The following SMC4 variants were observed in gnomAD, a reference collection of about 807,000 sequenced individuals.
The protein encoded by SMC4 is structural maintenance of chromosomes protein 4.
Under a neutral mutation model 145.6 loss-of-function variants are expected in SMC4, and 87 were observed. The observed-to-expected ratio is 0.60, with a 90% confidence interval of 0.50 to 0.71. The LOEUF (loss-of-function observed/expected upper bound fraction) is 0.71, where lower values mean the gene tolerates loss of function less well. SMC4 is among the 30% of genes least tolerant of loss of function. The probability of loss-of-function intolerance (pLI) is 0.00; values close to 1 mark genes in which losing one functional copy is unlikely to be tolerated. For synonymous variants in SMC4, 558 were observed against 500.7 expected (o/e 1.11, Z -1.53); for missense variants, 1,447 against 1,537.1 (o/e 0.94, Z 0.98).
intron 9 of SMC4, among the ~76,000 whole-genome samples, chr3:160,416,011 GAC>G (rs1378513080): frequency 6.6e-6 from 1 of 152,180 alleles, no homozygotes; most frequent in African/African-American, 2.4e-5. Context: ...CCCTGCCAGA[GAC>G]AGTTTTCCTT....
rs763395561 is a variant in SMC4 at position 160,426,145 on chromosome 3, C to T, written c.2550C>T (p.Ala850=). 2 of 1,608,030 alleles carry T rather than the reference C, an allele frequency of 1.2e-6. No homozygotes were observed. Among genetic ancestry groups the T allele is most frequent in the Non-Finnish European group, 1.7e-6 (2 of 1,176,438 alleles). The part of the protein sequence containing the change: ...KELEANVLAT[A]PDKKKQKLLE... ...TTGAAGCTAATGTACTTGCTACAGC[C>T]CCTGACAAAAAAAAGCAGAAATTGC... is the stretch of plus-strand genomic sequence containing the variant. The change falls in exon 17 of 24, where the codon GCC becomes GCT. Residue 850 remains alanine (A), a synonymous_variant. Coordinates refer to ENST00000357388, the MANE Select transcript of SMC4 (RefSeq NM_001002800.3).
At chr3:160,419,667 T>C in intron 12 of SMC4, 124 bp downstream of exon 12, 2 of 873,164 alleles carry the variant, frequency 2.3e-6, no homozygotes, top group Non-Finnish European at 1.7e-6. Flanking sequence ...ATTTTGTTTG[T>C]TTTAAGGCAC....
intron 18 of SMC4, 56 bp from the exon 19 acceptor site, chr3:160,430,543 A>C: frequency 1.4e-6 from 2 of 1,427,630 alleles, no homozygotes; most frequent in Middle Eastern, 1.9e-4. Context: ...GTAGGTTTTC[A>C]GAAACAATAA....
At chr3:160,428,697 A>C in intron 17 of SMC4, 56 bp from the exon 18 acceptor site, 2 of 1,466,452 alleles carry the variant, frequency 1.4e-6, no homozygotes, top group Non-Finnish European at 9.2e-7. Context: ...TACATCTAAC[A>C]AATGATGTTC....
At position 160,413,343 on chromosome 3, in the gene SMC4, A is replaced by T. The variant is rs573748949; in HGVS notation, c.981-130A>T. The stretch of plus-strand genomic sequence containing the variant: ...TGACCCAGGGGGATTTTCCCCTCAT[A>T]GCCTAGGCAGTCATATATTGACTAG... On this transcript the variant is annotated intron_variant, in intron 7 of 23. Coordinates refer to ENST00000357388, the MANE Select transcript of SMC4 (RefSeq NM_001002800.3). 1.3e-5 allele frequency: 11 copies of T among 848,134 alleles called. No individual in the cohort carries two copies. In the East Asian group the frequency reaches 3.1e-4, roughly 24 times the overall value. The allele number at this position is 848,134 out of a possible 1,614,324, so 52.5% of individuals were successfully genotyped here.
chr3:160,411,821 A>T, intron 5 of SMC4, 99 bp from the exon 6 acceptor site: 1 of 901,428 alleles, frequency 1.1e-6, no homozygotes, highest in South Asian at 1.9e-5. Flanking sequence ...TTAGATGTTT[A>T]TTACTCTTGG....
chr3:160,431,498 C>T (rs1718401779), intron 20 of SMC4, 145 bp from the exon 21 acceptor site: 2 of 702,708 alleles, frequency 2.8e-6, no homozygotes, highest in Admixed American at 3.5e-5. Flanking sequence ...AACTATTTTT[C>T]TTGAAGTCCT....
At chr3:160,421,947 C>T (rs1386834402) in intron 13 of SMC4, among the ~76,000 whole-genome samples, 1 of 152,182 alleles carries the variant, frequency 6.6e-6, no homozygotes, top group East Asian at 1.9e-4. Flanking sequence ...GATTTATCTA[C>T]ATATAAATGG....
In SMC4 at chr3:160,415,119, C is replaced by T. The variant is rs999183838; in HGVS notation, c.1272+602C>T. ...AGGCACAATGGCTTACACCTGTATT[C>T]CCAGTGCTTTGGGCGGCCAAAGTTG... On this transcript the variant is annotated intron_variant, in intron 9 of 23. Coordinates refer to ENST00000357388, the MANE Select transcript of SMC4 (RefSeq NM_001002800.3). Among the ~76,000 whole-genome samples the T allele has an allele frequency of 3.9e-5, 6 of 152,302 alleles. No individual in the cohort carries two copies. The South Asian group carries it at 6.2e-4, about 16-fold the overall frequency.
At chr3:160,430,956 A>AT (rs770579465) in intron 19 of SMC4, 76 bp from the exon 20 acceptor site, 24 of 1,432,380 alleles carry the variant, frequency 1.7e-5, no homozygotes, top group Non-Finnish European at 2.1e-5. Context: ...GAGATTGGTA[A>AT]TTCCTTCATC....
Position 160,417,771 on chromosome 3 carries a change from C to G in SMC4, c.1486C>G (p.Arg496Gly), listed in dbSNP as rs543973379. The change falls in exon 11 of 24, where the codon CGT (arginine) becomes GGT (glycine). Residue 496 changes from arginine to glycine, a missense_variant. Physicochemically the swap from Arg to Gly is moderately radical, Grantham distance 125. Coordinates refer to ENST00000357388, the MANE Select transcript of SMC4 (RefSeq NM_001002800.3). ...TTTCAGCAAATCGGTAAATGAAGCA[C>G]GTTCAAAGATGGATGTAGCCCAGTC... is the stretch of plus-strand genomic sequence containing the variant. ...MGFSKSVNEA[R>G]SKMDVAQSEL... The G allele has an allele frequency of 1.2e-6, 2 of 1,613,194 alleles. No homozygotes were observed. The highest frequency in any genetic ancestry group is 1.7e-6 in the Non-Finnish European group (2 of 1,179,756).
chr3:160,431,065 A>G lies in SMC4; in HGVS notation c.2974A>G (p.Asn992Asp). Residue 992 changes from asparagine (N) to aspartate (D), a missense_variant, in exon 20 of 24, where the codon AAT becomes GAT. Transcript: ENST00000357388. ...SLPEIQKEHR[N>D]LLQELKVIQE... Reference sequence around the variant, plus strand: ...ACCAGAGATCCAGAAAGAACATCGCAATCTGCTTCAAGAATTAAAAGTTAT... The same window carrying G: ...ACCAGAGATCCAGAAAGAACATCGCGATCTGCTTCAAGAATTAAAAGTTAT... 1 of 1,606,856 alleles carries G rather than the reference A, an allele frequency of 6.2e-7. No homozygotes were observed. Among genetic ancestry groups the G allele is most frequent in the Non-Finnish European group, 8.5e-7 (1 of 1,178,078 alleles).
intron 13 of SMC4, among the ~76,000 whole-genome samples, chr3:160,422,094 C>A (rs146104254): frequency 6.6e-6 from 1 of 152,202 alleles, no homozygotes; most frequent in Middle Eastern, 3.2e-3. Flanking sequence ...TTTGTATAAC[C>A]ATTTGTCAGT....
chr3:160,421,444 C>T (rs1275216434), intron 13 of SMC4, among the ~76,000 whole-genome samples: 2 of 152,006 alleles, frequency 1.3e-5, no homozygotes, highest in African/African-American at 4.8e-5. Context: ...AATTTACCTA[C>T]AATAAAATTT....
intron 10 of SMC4, 72 bp downstream of exon 10, chr3:160,416,487 A>G: frequency 1.0e-6 from 1 of 979,356 alleles, no homozygotes; most frequent in Non-Finnish European, 1.5e-6. Context: ...TATTTTTTCA[A>G]AAATACTGAA....
rs201822423 is a variant in SMC4, at chr3:160,428,827, A to G, written c.2680A>G (p.Ile894Val). The G allele has an allele frequency of 1.1e-5, 17 of 1,607,604 alleles. No individual in the cohort carries two copies. The highest frequency in any genetic ancestry group is 1.1e-5 in the Non-Finnish European group (13 of 1,178,704). Reference sequence around the variant, plus strand: ...ACGCTTACACAATACCATCGTAGAAATCAATAATCATAAACTCAAGGCCCA... The same window carrying G: ...ACGCTTACACAATACCATCGTAGAAGTCAATAATCATAAACTCAAGGCCCA... ...VKRLHNTIVE[I>V]NNHKLKAQQD... Residue 894 changes from isoleucine to valine, a missense_variant, in exon 18 of 24, where the codon ATC becomes GTC. Physicochemically the swap from Ile to Val is conservative, Grantham distance 29 (BLOSUM62 3). Coordinates refer to ENST00000357388, the MANE Select transcript of SMC4 (RefSeq NM_001002800.3).
intron 11 of SMC4, 51 bp from the exon 12 acceptor site, chr3:160,419,307 G>C: frequency 8.2e-7 from 1 of 1,218,198 alleles, no homozygotes; most frequent in Non-Finnish European, 1.2e-6. Flanking sequence ...GCTATGACTG[G>C]TCATATTTAG....
At chr3:160,432,698 T>C (rs1718540939) in intron 22 of SMC4, 183 bp downstream of exon 22, 1 of 537,708 alleles carries the variant, frequency 1.9e-6, no homozygotes, top group South Asian at 3.0e-5. Flanking sequence ...AGCCAGTATT[T>C]ACAAAATATT....
At chr3:160,415,308 G>C (rs977082482) in intron 9 of SMC4, among the ~76,000 whole-genome samples, 3 of 152,218 alleles carry the variant, frequency 2.0e-5, no homozygotes, top group African/African-American at 7.2e-5. Flanking sequence ...AGATTCCAGT[G>C]AATAGTGATC....
Sources: allele counts gnomAD v4.1 joint callset (sites outside exome capture counted in the v4.1 genomes callset), GRCh38; gene constraint gnomAD v4.1.1; transcripts MANE v1.5; gene names NCBI Gene and HGNC (gene_info 2026-07-23, HGNC 2026-07-21).